Variants in ZNF532 observed in about 807,000 individuals in gnomAD.
The protein encoded by ZNF532 is zinc finger protein 532.
In ZNF532, 22 loss-of-function variants were observed where a neutral mutation model predicts 89.3. The observed-to-expected ratio is 0.25, with a 90% CI of 0.18 to 0.35. ZNF532 has a LOEUF of 0.35. Ranked by LOEUF, ZNF532 falls within the 10% of genes least tolerant of loss-of-function variation. ZNF532 has a pLI of 1.00. For missense variants in ZNF532, 1,132 were observed against 1,643.4 expected (o/e 0.69, Z 5.38); for synonymous variants, 606 against 649.6 (o/e 0.93, Z 1.02).
intron 2 of ZNF532, among the ~76,000 whole-genome samples, chr18:58,865,900 CAT>C (rs750545574): frequency 7.2e-5 from 11 of 152,172 alleles, no homozygotes; most frequent in African/African-American, 2.2e-4. Context: ...AAGCAGTACA[CAT>C]GTGGCATTTT....
chr18:58,901,908 C>T (rs1029438237), intron 2 of ZNF532, among the ~76,000 whole-genome samples: 2 of 152,178 alleles, frequency 1.3e-5, no homozygotes, highest in African/African-American at 4.8e-5. Flanking sequence ...ACTGGCTTCC[C>T]TCCCTGAGGC....
chr18:58,884,602 G>C (rs2058156222), intron 2 of ZNF532, among the ~76,000 whole-genome samples: 1 of 152,190 alleles, frequency 6.6e-6, no homozygotes, highest in African/African-American at 2.4e-5. Context: ...TGAAGCTACA[G>C]TTTTTAGAGA....
intron 2 of ZNF532, among the ~76,000 whole-genome samples, chr18:58,883,184 C>CT (rs2145023017): frequency 6.6e-6 from 1 of 152,268 alleles, no homozygotes; most frequent in Admixed American, 6.5e-5. Context: ...TTCTCTTTCT[C>CT]TGTGTTTTTT....
chr18:58,880,765 C>CGTGTGTGTGTGTGTGTGT (rs1367707974), intron 2 of ZNF532, among the ~76,000 whole-genome samples: 1 of 131,194 alleles, frequency 7.6e-6, no homozygotes, highest in African/African-American at 2.9e-5. Flanking sequence ...CGCGCGCACG[C>CGTGTGTGTGTGTGTGTGT]GCGCGCGTCT....
intron 3 of ZNF532, among the ~76,000 whole-genome samples, chr18:58,925,760 C>G (rs964442305): frequency 3.9e-5 from 6 of 152,168 alleles, no homozygotes; most frequent in Admixed American, 2.0e-4. Context: ...AAGTCTGTGA[C>G]TCATTTTGAG....
At chr18:58,972,833 C>T (rs1177123266) in intron 7 of ZNF532, among the ~76,000 whole-genome samples, 1 of 152,210 alleles carries the variant, frequency 6.6e-6, no homozygotes, top group African/African-American at 2.4e-5. Context: ...ATTTGTTACT[C>T]CATGATTACT....
At chr18:58,878,765 G>T (rs1490750681) in intron 2 of ZNF532, among the ~76,000 whole-genome samples, 1 of 152,246 alleles carries the variant, frequency 6.6e-6, no homozygotes, top group African/African-American at 2.4e-5. Flanking sequence ...AGTAAGAAAG[G>T]CAGCTCATTC....
At position 58,919,565 on chromosome 18, in the gene ZNF532, T is replaced by G. The variant is rs1199758891; in HGVS notation, c.1278T>G (p.Ser426=). Residue 426 remains serine (S), a synonymous_variant, in exon 3 of 10, where the codon TCT becomes TCG. Coordinates refer to ENST00000591808, the MANE Select transcript of ZNF532 (RefSeq NM_001375912.1). This position sits in a 1 kb window ranked among gnomAD's most constrained non-coding sequence, Gnocchi z 6.1. The stretch of plus-strand genomic sequence containing the variant: ...CTCCCCCCAGGGCGCCTCTCCAGTC[T>G]GCGGTCGTGACCAATGCAGTTTCCC... The part of the protein sequence containing the change: ...LSSPPRAPLQ[S]AVVTNAVSPA... 4.3e-6 allele frequency: 7 copies of G among 1,614,022 alleles called. No homozygotes were observed. The highest frequency in any genetic ancestry group is 5.9e-6 in the Non-Finnish European group (7 of 1,180,036).
chr18:58,879,778 G>A (rs972131008), intron 2 of ZNF532, among the ~76,000 whole-genome samples: 2 of 152,160 alleles, frequency 1.3e-5, no homozygotes, highest in African/African-American at 4.8e-5. Flanking sequence ...TCAGTGGTAG[G>A]GGTGGATTTT....
chr18:58,867,595 G>A (rs532589819), intron 2 of ZNF532, among the ~76,000 whole-genome samples: 5 of 152,154 alleles, frequency 3.3e-5, no homozygotes, highest in African/African-American at 9.7e-5. Context: ...GGGGGGACCC[G>A]GTGCCTGCAG....
intron 7 of ZNF532, among the ~76,000 whole-genome samples, chr18:58,964,677 C>T (rs1441262568): frequency 6.6e-6 from 1 of 151,760 alleles, no homozygotes; most frequent in Non-Finnish European, 1.5e-5. Flanking sequence ...ACCTCACACT[C>T]TTGGTCACGA....
intron 2 of ZNF532, among the ~76,000 whole-genome samples, chr18:58,894,677 C>G (rs1459990917): frequency 6.6e-6 from 1 of 152,080 alleles, no homozygotes; most frequent in African/African-American, 2.4e-5. Flanking sequence ...CTTGATCTTC[C>G]TTTTATGCAC....
intron 9 of ZNF532, 141 bp downstream of exon 9, chr18:58,981,758 A>G (rs2147733260): frequency 1.8e-6 from 2 of 1,094,474 alleles, no homozygotes; most frequent in African/African-American, 1.6e-5. Context: ...CATGCCCACC[A>G]CTTTGGGAGG....
chr18:58,864,847 C>T (rs1237703179), upstream of ZNF532: 1 of 152,164 alleles, frequency 6.6e-6, no homozygotes, highest in Non-Finnish European at 1.5e-5. Context: ...AGATCAGCTC[C>T]TGAACACAAT....
chr18:58,910,468 T>C (rs1310658033), intron 2 of ZNF532, among the ~76,000 whole-genome samples: 1 of 152,124 alleles, frequency 6.6e-6, no homozygotes, highest in African/African-American at 2.4e-5. Context: ...TGAAATTCTC[T>C]AGTTTATTTT....
chr18:58,891,289 G>T (rs912654078), intron 2 of ZNF532, among the ~76,000 whole-genome samples: 1 of 152,146 alleles, frequency 6.6e-6, no homozygotes, highest in South Asian at 2.1e-4. Context: ...CAGCACTTTC[G>T]GAGGCTGAGG....
chr18:58,866,173 T>C (rs930312628), intron 2 of ZNF532, among the ~76,000 whole-genome samples: 2 of 152,184 alleles, frequency 1.3e-5, no homozygotes, highest in Non-Finnish European at 2.9e-5. Flanking sequence ...ACTAATGCAA[T>C]ACCAGGGGGA....
At chr18:58,978,450 ATTATC>A (rs2067305833) in intron 7 of ZNF532, among the ~76,000 whole-genome samples, 1 of 152,180 alleles carries the variant, frequency 6.6e-6, no homozygotes, top group Non-Finnish European at 1.5e-5. Context: ...GGTTTCATAT[ATTATC>A]TTTTCAGTAA....
At chr18:58,868,505 ACT>A (rs1186878844) in intron 2 of ZNF532, among the ~76,000 whole-genome samples, 1 of 152,008 alleles carries the variant, frequency 6.6e-6, no homozygotes, top group Non-Finnish European at 1.5e-5. Flanking sequence ...CCTGGCATCC[ACT>A]GTCTCACTAT....
Sources: gnomAD v4.1 joint callset for allele counts (sites outside exome capture counted in the v4.1 genomes callset) on GRCh38, gnomAD v4.1.1 for gene constraint, Gnocchi (gnomAD v3.1) non-coding constraint, MANE v1.5 for transcripts, NCBI Gene and HGNC (gene_info 2026-07-23, HGNC 2026-07-21) for gene names.